Variants in MRTFA observed in about 807,000 individuals in gnomAD.
MRTFA encodes the protein myocardin-related transcription factor A.
In MRTFA, 20 loss-of-function variants were observed where a neutral mutation model predicts 83.5. That is an observed-to-expected ratio of 0.24 (90% confidence interval 0.17 to 0.35). MRTFA has a LOEUF of 0.35. Among genes scored for constraint, MRTFA ranks in the 10% least tolerant of loss-of-function variants. MRTFA has a pLI of 1.00. For missense variants in MRTFA, 1,200 were observed against 1,224.7 expected (o/e 0.98, Z 0.30); for synonymous variants, 659 against 541.2 (o/e 1.22, Z -3.02).
intron 3 of MRTFA, among the ~76,000 whole-genome samples, chr22:40,531,622 T>C (rs1184611163): frequency 6.6e-6 from 1 of 152,240 alleles, no homozygotes; most frequent in East Asian, 1.9e-4. Context: ...TATATTCATA[T>C]AGGTTAAAAT....
chr22:40,443,770 G>A (rs1191496663), intron 4 of MRTFA, among the ~76,000 whole-genome samples: 1 of 152,138 alleles, frequency 6.6e-6, no homozygotes, highest in African/African-American at 2.4e-5. Flanking sequence ...TGGCTGGGGT[G>A]GTGTCAGAAA....
chr22:40,629,637 G>C (rs371767465), intron 1 of MRTFA, among the ~76,000 whole-genome samples: 1 of 150,040 alleles, frequency 6.7e-6, no homozygotes, highest in Non-Finnish European at 1.5e-5. Context: ...TTAGCTGGGC[G>C]TGGTGGTGGG....
intron 3 of MRTFA, among the ~76,000 whole-genome samples, chr22:40,498,403 G>C (rs563877220): frequency 1.4e-5 from 2 of 143,262 alleles, no homozygotes; most frequent in East Asian, 4.5e-4. Flanking sequence ...TCTCACCTCA[G>C]CCTCCCAAGT....
In MRTFA at chr22:40,418,727, G is replaced by C; in HGVS notation, c.2011C>G (p.Leu671Val). Residue 671 changes from leucine to valine, a missense_variant, in exon 12 of 15, where the codon CTC (leucine) becomes GTC (valine). Physicochemically the swap from Leu to Val is conservative, Grantham distance 32. Transcript: ENST00000355630. ...TTCTCCTGCTTCACGGGGGTGCCGA[G>C]GGGGGCGGGGGCGGGGGCGGGCTGC... 1 of 1,471,276 alleles carries C rather than the reference G, an allele frequency of 6.8e-7. No homozygotes were observed. Among genetic ancestry groups the C allele is most frequent in the Non-Finnish European group, 9.0e-7 (1 of 1,115,262 alleles). 91.1% of individuals were successfully genotyped at this position (1,471,276 alleles called of 1,614,324 possible).
rs71199293 is a variant in MRTFA, at chr22:40,577,609, A to ATT, written c.-22+17063_-22+17064dup. The stretch of plus-strand genomic sequence containing the variant: ...AACACCCCTATTCAATCTACATCTG[A>ATT]TTTTTTTTTTTTTTTTTTTTGAGAC... On this transcript the variant is annotated intron_variant, in intron 2 of 14. Transcript: ENST00000355630. Among the ~76,000 whole-genome samples, 218 of 129,820 alleles carry ATT rather than the reference A, an allele frequency of 1.7e-3. 3 individuals carry two copies. The highest frequency in any genetic ancestry group is 3.8e-3 in the Middle Eastern group (1 of 264). 85.2% of individuals were successfully genotyped at this position (129,820 alleles called of 152,430 possible).
chr22:40,445,586 G>C (rs2053361120), intron 4 of MRTFA, among the ~76,000 whole-genome samples: 1 of 151,990 alleles, frequency 6.6e-6, no homozygotes, highest in Non-Finnish European at 1.5e-5. Context: ...CCAGGCTGGA[G>C]TGCAATGGCA....
At chr22:40,535,398 G>C (rs1418729577) in intron 3 of MRTFA, among the ~76,000 whole-genome samples, 1 of 117,014 alleles carries the variant, frequency 8.5e-6, no homozygotes, top group African/African-American at 3.3e-5. Flanking sequence ...CTGTCCCCCA[G>C]ACTGAGTACA....
intron 3 of MRTFA, among the ~76,000 whole-genome samples, chr22:40,488,194 C>T (rs1317809355): frequency 6.6e-6 from 1 of 152,068 alleles, no homozygotes. Context: ...TATCTGAAGG[C>T]CTTCATAAAC....
chr22:40,546,817 T>TA (rs760037918), intron 3 of MRTFA, among the ~76,000 whole-genome samples: 6 of 152,348 alleles, frequency 3.9e-5, no homozygotes, highest in Non-Finnish European at 8.8e-5. Flanking sequence ...ACAGAGTTCT[T>TA]ACCTGTAGTG....
intron 4 of MRTFA, among the ~76,000 whole-genome samples, chr22:40,459,842 T>TATATATATATATAC (rs1829909439): frequency 5.1e-5 from 7 of 137,086 alleles, no homozygotes; most frequent in Admixed American, 5.1e-4. Context: ...TATATATATA[T>TATATATATATATAC]ATATATATAT....
At position 40,418,741 on chromosome 22, in the gene MRTFA, G is replaced by C. The variant is rs1307516934; in HGVS notation, c.1997C>G (p.Pro666Arg). Residue 666 changes from proline to arginine, a missense_variant, in exon 12 of 15, where the codon CCC becomes CGC. This residue lies in a region of MRTFA where 1,107 missense variants were observed against 1,041.8 expected (regional missense o/e 1.06). Coordinates refer to ENST00000355630, the MANE Select transcript of MRTFA (RefSeq NM_020831.6). ...GGGGGTGCCGAGGGGGGCGGGGGCG[G>C]GGGCGGGCTGCTGGGCTCGCTTCTC... 3.4e-6 allele frequency: 5 copies of C among 1,470,444 alleles called. No homozygotes were observed. In the South Asian group the frequency reaches 6.6e-5, roughly 19 times the overall value. 91.1% of individuals were successfully genotyped at this position (1,470,444 alleles called of 1,614,324 possible).
At chr22:40,472,392 T>C (rs1038027223) in intron 3 of MRTFA, among the ~76,000 whole-genome samples, 1 of 152,212 alleles carries the variant, frequency 6.6e-6, no homozygotes, top group African/African-American at 2.4e-5. Flanking sequence ...GCAGGTTTAA[T>C]CCACCTAATA....
At chr22:40,587,078 G>T in intron 2 of MRTFA, 1 of 454,984 alleles carries the variant, frequency 2.2e-6, no homozygotes. Flanking sequence ...TTGTCCCCAG[G>T]ACTCTACGAT....
At chr22:40,481,413 A>G (rs1352142365) in intron 3 of MRTFA, among the ~76,000 whole-genome samples, 2 of 152,208 alleles carry the variant, frequency 1.3e-5, no homozygotes, top group South Asian at 2.1e-4. Context: ...GATAAGGTCA[A>G]TATTTATAGG....
chr22:40,633,435 T>C (rs1285958071), intron 1 of MRTFA, among the ~76,000 whole-genome samples: 1 of 152,210 alleles, frequency 6.6e-6, no homozygotes, highest in Non-Finnish European at 1.5e-5. Context: ...TAATACAACT[T>C]AAAAATTCTA....
At chr22:40,528,059 G>A (rs2055008968) in intron 3 of MRTFA, among the ~76,000 whole-genome samples, 2 of 152,172 alleles carry the variant, frequency 1.3e-5, no homozygotes, top group African/African-American at 4.8e-5. Flanking sequence ...GACAACAGCT[G>A]TCTGTCTACC....
At chr22:40,540,519 G>A (rs948293689) in intron 3 of MRTFA, among the ~76,000 whole-genome samples, 5 of 152,078 alleles carry the variant, frequency 3.3e-5, no homozygotes, top group Non-Finnish European at 5.9e-5. Context: ...AGGCAGCGCG[G>A]TGGCTCAAAC....
intron 2 of MRTFA, chr22:40,569,375 G>A: frequency 4.8e-6 from 1 of 206,876 alleles, no homozygotes; most frequent in Non-Finnish European, 1.1e-5. Flanking sequence ...GACCAGGAAT[G>A]GCTGGCAGAA....
intron 4 of MRTFA, among the ~76,000 whole-genome samples, chr22:40,452,092 T>C (rs2053503209): frequency 6.7e-6 from 1 of 148,258 alleles, no homozygotes; most frequent in South Asian, 2.2e-4. Context: ...CAAGTGATTC[T>C]CCTGCCTCAG....
Sources: allele counts gnomAD v4.1 joint callset (sites outside exome capture counted in the v4.1 genomes callset), GRCh38; gene constraint gnomAD v4.1.1; regional missense constraint gnomAD v4.1.1; transcripts MANE v1.5; gene names NCBI Gene and HGNC (gene_info 2026-07-23, HGNC 2026-07-21).